The following ZBBX variants were observed in gnomAD, a reference collection of about 807,000 sequenced individuals.
ZBBX encodes zinc finger B-box domain containing.
A neutral mutation model predicts 108.5 loss-of-function variants in ZBBX; 101 were observed. The observed-to-expected ratio is 0.93, with a 90% CI of 0.79 to 1.10. ZBBX has a LOEUF of 1.10. Ranked by LOEUF, ZBBX falls within the 50% of genes least tolerant of loss-of-function variation. ZBBX has a pLI of 0.00. For missense variants in ZBBX, 1,009 were observed against 941.4 expected, an observed-to-expected ratio of 1.07 and a Z score of -0.94; for synonymous variants, 356 against 323.4, an observed-to-expected ratio of 1.10 and a Z score of -1.08.
the ZBBX span, among the ~76,000 whole-genome samples, chr3:167,222,247 T>A: frequency 6.6e-6 from 1 of 151,186 alleles, no homozygotes. Flanking sequence ...TGAGATTCTA[T>A]CATTTACAAC....
chr3:167,351,764 C>T (rs1250287919), intron 8 of ZBBX, among the ~76,000 whole-genome samples: 2 of 152,200 alleles, frequency 1.3e-5, no homozygotes, highest in East Asian at 1.9e-4. Context: ...CCAGAGACCA[C>T]TGGTGCCCTT....
chr3:167,407,206 T>C (rs1248030742), intron 1 of ZBBX, among the ~76,000 whole-genome samples: 1 of 152,128 alleles, frequency 6.6e-6, no homozygotes, highest in African/African-American at 2.4e-5. Context: ...TTTAAATTTA[T>C]CTAACAAAAT....
the ZBBX span, among the ~76,000 whole-genome samples, chr3:167,193,843 T>G: frequency 6.6e-6 from 1 of 152,176 alleles, no homozygotes; most frequent in African/African-American, 2.4e-5. Flanking sequence ...GTGAAACTGC[T>G]GGTTATTATG....
intron 20 of ZBBX, among the ~76,000 whole-genome samples, chr3:167,266,432 T>C (rs1274505851): frequency 6.6e-6 from 1 of 152,136 alleles, no homozygotes; most frequent in East Asian, 1.9e-4. Context: ...CTTACCCCCT[T>C]CCCGTCAGTT....
the ZBBX span, among the ~76,000 whole-genome samples, chr3:167,201,110 T>C: frequency 1.6e-4 from 24 of 152,224 alleles, no homozygotes; most frequent in South Asian, 3.9e-3. Flanking sequence ...CAAAGAGTGC[T>C]GATTTGATAG....
chr3:167,200,312 C>T, the ZBBX span, among the ~76,000 whole-genome samples: 2,010 of 152,218 alleles, frequency 0.013, 52 homozygotes, highest in African/African-American at 0.046. Flanking sequence ...CCAAATGTTA[C>T]ATGAGACATA....
chr3:167,217,557 T>C, the ZBBX span, among the ~76,000 whole-genome samples: 1 of 152,128 alleles, frequency 6.6e-6, no homozygotes, highest in Non-Finnish European at 1.5e-5. Flanking sequence ...AGTATAGTGA[T>C]TCCTCTAAGA....
the ZBBX span, among the ~76,000 whole-genome samples, chr3:167,223,074 CAATT>C: frequency 6.6e-6 from 1 of 151,820 alleles, no homozygotes; most frequent in Non-Finnish European, 1.5e-5. Context: ...ATATTCATAT[CAATT>C]AAAAAAAGTC....
chr3:167,396,748 T>A (rs1039102578), intron 1 of ZBBX, among the ~76,000 whole-genome samples: 5 of 151,938 alleles, frequency 3.3e-5, no homozygotes, highest in Non-Finnish European at 5.9e-5. Context: ...TTGAACAAAG[T>A]TACTTTAGAA....
At chr3:167,218,797 T>C in the ZBBX span, among the ~76,000 whole-genome samples, 5 of 152,016 alleles carry the variant, frequency 3.3e-5, no homozygotes, top group Non-Finnish European at 4.4e-5. Flanking sequence ...AGATTGCATA[T>C]AAATGGACTA....
intron 9 of ZBBX, among the ~76,000 whole-genome samples, chr3:167,343,297 T>C (rs972041699): frequency 6.6e-6 from 1 of 151,930 alleles, no homozygotes; most frequent in Non-Finnish European, 1.5e-5. Context: ...GGTTGATTCA[T>C]GCCATCTCTG....
rs1015576593 is a variant in ZBBX at position 167,373,244 on chromosome 3, T to C, written c.-49-294A>G. 3.3e-5 allele frequency among the ~76,000 whole-genome samples: 5 copies of C among 152,206 alleles called. 1 individual carries two copies. In the South Asian group the frequency reaches 1.0e-3, roughly 31 times the overall value. On this transcript the variant is annotated intron_variant, in intron 3 of 21. Transcript: ENST00000675490. ...GCAAGAGCTGATTTAAAGTATACAG[T>C]AGGTTATGTGTAGGCTATATGCAAA...
At chr3:167,182,565 C>A in the ZBBX span, among the ~76,000 whole-genome samples, 5 of 152,328 alleles carry the variant, frequency 3.3e-5, no homozygotes, top group East Asian at 5.8e-4. Context: ...TCCTGCATGA[C>A]CACTTTTGCA....
At chr3:167,396,715 A>T (rs2108640252) in intron 1 of ZBBX, among the ~76,000 whole-genome samples, 1 of 152,146 alleles carries the variant, frequency 6.6e-6, no homozygotes, top group South Asian at 2.1e-4. Flanking sequence ...ATGTCTTTAA[A>T]GTTTTGTTAA....
downstream of ZBBX, among the ~76,000 whole-genome samples, chr3:167,236,217 T>A: frequency 6.6e-6 from 1 of 151,766 alleles, no homozygotes; most frequent in East Asian, 1.9e-4. Context: ...TTTATATATC[T>A]AGCTTTTAAC....
the ZBBX span, among the ~76,000 whole-genome samples, chr3:167,230,408 T>TAG: frequency 4.0e-5 from 6 of 151,752 alleles, no homozygotes; most frequent in African/African-American, 1.5e-4. Context: ...TGGAAGGCAC[T>TAG]AGTAAAAAGG....
At position 167,396,653 on chromosome 3, in the gene ZBBX, T is replaced by A. The variant is rs182205692; in HGVS notation, c.-446+11073A>T. Among the ~76,000 whole-genome samples the A allele has an allele frequency of 3.5e-3, 535 of 152,164 alleles. 1 individual carries two copies. Among genetic ancestry groups the A allele is most frequent in the African/African-American group, 0.012 (507 of 41,546 alleles). ...TGGTTTATGAATGAGAGTATGTAAC[T>A]GATTAAGTAAAAATAAACTTCTAAA... is the stretch of plus-strand genomic sequence containing the variant. On this transcript the variant is annotated intron_variant, in intron 1 of 21. Transcript: ENST00000455345.
intron 6 of ZBBX, among the ~76,000 whole-genome samples, chr3:167,365,362 T>C (rs905180107): frequency 1.3e-5 from 2 of 151,778 alleles, no homozygotes; most frequent in Non-Finnish European, 2.9e-5. Flanking sequence ...TTAAATATAA[T>C]ATTATATTTT....
the ZBBX span, among the ~76,000 whole-genome samples, chr3:167,215,582 G>A: frequency 6.6e-6 from 1 of 152,142 alleles, no homozygotes. Context: ...CCTACTGAAA[G>A]TATTCCAATA....
Sources: gnomAD v4.1 joint callset for allele counts (sites outside exome capture counted in the v4.1 genomes callset) on GRCh38, gnomAD v4.1.1 for gene constraint, MANE v1.5 for transcripts, NCBI Gene and HGNC (gene_info 2026-07-23, HGNC 2026-07-21) for gene names.